Variants in ALG3 observed in about 807,000 individuals in gnomAD.
The protein encoded by ALG3 is dol-P-Man:Man(5)GlcNAc(2)-PP-Dol alpha-1,3-mannosyltransferase.
In ALG3, 39 loss-of-function variants were observed where a neutral mutation model predicts 50.5. The ratio of observed to expected loss-of-function variants is 0.77; its 90% CI spans 0.60 to 1.01. ALG3 has a LOEUF of 1.01. Among genes scored for constraint, ALG3 ranks in the 50% least tolerant of loss-of-function variants. The pLI, the probability that ALG3 is intolerant of heterozygous loss-of-function variation, is 0.00. For missense variants in ALG3, 520 were observed against 554.8 expected, an observed-to-expected ratio of 0.94 and a Z score of 0.63; for synonymous variants, 252 against 237.2, an observed-to-expected ratio of 1.06 and a Z score of -0.58.
At chr3:184,245,683 A>G in intron 2 of ALG3, 30 bp downstream of exon 2, 1 of 1,610,346 alleles carries the variant, frequency 6.2e-7, no homozygotes, top group Non-Finnish European at 8.5e-7. Context: ...AGCCCCTCAC[A>G]TCCTCCCTGA....
In ALG3 at chr3:184,245,629, G is replaced by C; in HGVS notation, c.297-14C>G. The C allele has an allele frequency of 6.2e-7, 1 of 1,612,154 alleles. No individual in the cohort carries two copies. Among genetic ancestry groups the C allele is most frequent in the South Asian group, 1.1e-5 (1 of 90,710 alleles). On this transcript the variant is annotated splice_polypyrimidine_tract_variant and intron_variant, in intron 2 of 8. Coordinates refer to ENST00000397676, the MANE Select transcript of ALG3 (RefSeq NM_005787.6). ...CCAGCTGGGTACCTGGAAGATGAGAGAAAATGTGAGCCTGGGTCAGGTCAC... is the reference window on the plus strand; with the variant it reads ...CCAGCTGGGTACCTGGAAGATGAGACAAAATGTGAGCCTGGGTCAGGTCAC...
chr3:184,249,426 G>A (rs931061071), upstream of ALG3: 5 of 961,134 alleles, frequency 5.2e-6, no homozygotes, highest in African/African-American at 6.6e-5. Flanking sequence ...AAATATGAGA[G>A]GACGCAGTGA....
intron 1 of ALG3, among the ~76,000 whole-genome samples, chr3:184,247,074 T>C (rs954240691): frequency 3.3e-5 from 5 of 151,978 alleles, no homozygotes; most frequent in Admixed American, 2.0e-4. Flanking sequence ...CCAGCTAATT[T>C]TTCTATTTTA....
chr3:184,242,838 C>T lies in ALG3; in HGVS notation c.1129G>A (p.Ala377Thr). 1.2e-6 allele frequency: 2 copies of T among 1,613,900 alleles called. No individual in the cohort carries two copies. Among genetic ancestry groups the T allele is most frequent in the Non-Finnish European group, 1.7e-6 (2 of 1,179,878 alleles). ...TLPYLLWAMP[A>T]RWLTHLLRLL... ...CTGAGCAGGTGTGTGAGCCAGCGTG[C>T]AGGCATGGCCCACAGGAGGTAGGGC... The change falls in exon 8 of 9, where the codon GCA (alanine) becomes ACA (threonine). Residue 377 changes from alanine (A) to threonine (T), a missense_variant. Ala to Thr is a moderately conservative substitution (Grantham distance 58). This residue lies in a region of ALG3 where 224 missense variants were observed against 272.8 expected (regional missense o/e 0.82). Transcript: ENST00000397676.
upstream of ALG3, chr3:184,248,994 G>C: frequency 6.5e-7 from 1 of 1,544,082 alleles, no homozygotes; most frequent in South Asian, 1.2e-5. Flanking sequence ...CCGAACCTTC[G>C]ACACTTAGGT....
At chr3:184,249,021 G>A, upstream of ALG3, 1 of 1,537,392 alleles carries the variant, frequency 6.5e-7, no homozygotes, top group Non-Finnish European at 8.8e-7. Flanking sequence ...TCCCGTGCCT[G>A]GCGTCCCACC....
At chr3:184,247,519 A>G (rs1577107155) in intron 1 of ALG3, among the ~76,000 whole-genome samples, 1 of 152,146 alleles carries the variant, frequency 6.6e-6, no homozygotes, top group Non-Finnish European at 1.5e-5. Context: ...GCTGGTCTCA[A>G]ATTCCTGACC....
intron 4 of ALG3, 74 bp from the exon 5 acceptor site, chr3:184,244,795 C>G: frequency 6.5e-7 from 1 of 1,530,282 alleles, no homozygotes. Context: ...AGACATACCC[C>G]CCACCATCAC....
In ALG3 at chr3:184,248,876, T is replaced by C. The variant is rs749694712; in HGVS notation, c.65A>G (p.Lys22Arg). ...GSAAQAEGLC[K>R]QWLQRAWQER... ...TTGCCAGGCGCGCTGCAGCCATTGC[T>C]TGCAGAGTCCCTCTGCCTGGGCCGC... Residue 22 changes from lysine to arginine, a missense_variant, in exon 1 of 9, where the codon AAG becomes AGG. This residue lies in a region of ALG3 where 290 missense variants were observed against 265.9 expected (regional missense o/e 1.09). Transcript: ENST00000397676. The C allele has an allele frequency of 2.5e-6, 4 of 1,606,866 alleles. No homozygotes were observed. The highest frequency in any genetic ancestry group is 4.5e-5 in the East Asian group (2 of 44,674).
chr3:184,248,512 G>A (rs567510330), intron 1 of ALG3, among the ~76,000 whole-genome samples: 15 of 152,222 alleles, frequency 9.9e-5, no homozygotes, highest in Non-Finnish European at 2.2e-4. Context: ...TTTGCAGGCT[G>A]TAAGTTCAGT....
At position 184,248,895 on chromosome 3, in the gene ALG3, G is replaced by A. The variant is rs758256479; in HGVS notation, c.46C>T (p.Gln16Ter). 8 of 1,601,946 alleles carry A rather than the reference G, an allele frequency of 5.0e-6. No homozygotes were observed. Among genetic ancestry groups the A allele is most frequent in the Middle Eastern group, 1.7e-4 (1 of 5,984 alleles). ...CATTGCTTGCAGAGTCCCTCTGCCT[G>A]GGCCGCGGAACCGGACCGGCCGCGT... Reference protein sequence around the residue: ...RKRGRSGSAAQAEGLCKQWLQ... With the variant: ...RKRGRSGSAA Residue 16 changes from glutamine to a stop codon, truncating the protein, a stop_gained, in exon 1 of 9, where the codon CAG (glutamine) becomes TAG (stop). Transcript: ENST00000397676. LOFTEE classifies it high-confidence loss of function.
At chr3:184,249,024 G>C (rs1327503326), upstream of ALG3, 2 of 1,534,880 alleles carry the variant, frequency 1.3e-6, no homozygotes, top group Admixed American at 3.9e-5. Flanking sequence ...CGTGCCTGGC[G>C]TCCCACCAGG....
chr3:184,249,009 C>A, upstream of ALG3: 1 of 1,539,580 alleles, frequency 6.5e-7, no homozygotes, highest in Non-Finnish European at 8.7e-7. Flanking sequence ...TTAGGTTCCG[C>A]TTCCCGTGCC....
At chr3:184,248,267 CA>C (rs1273910027) in intron 1 of ALG3, among the ~76,000 whole-genome samples, 1 of 152,140 alleles carries the variant, frequency 6.6e-6, no homozygotes, top group Admixed American at 6.6e-5. Flanking sequence ...GCAAGAAAGC[CA>C]AGTGCCTTAA....
chr3:184,243,490 C>T lies in ALG3; in HGVS notation c.1009+64G>A, dbSNP rs568444683. The T allele has an allele frequency of 1.8e-5, 27 of 1,531,138 alleles. No individual in the cohort carries two copies. In the Admixed American group the frequency reaches 3.3e-4, roughly 19 times the overall value. The allele number at this position is 1,531,138 out of a possible 1,614,324, so 94.8% of individuals were successfully genotyped here. On this transcript the variant is annotated intron_variant, in intron 7 of 8. Coordinates refer to ENST00000397676, the MANE Select transcript of ALG3 (RefSeq NM_005787.6). ...CAGGTCACCAGCTGTCAAGGGATAC[C>T]TGACCAGGACTCTGTCAGCACCTAG...
At chr3:184,244,343 A>G in intron 5 of ALG3, 1 of 547,012 alleles carries the variant, frequency 1.8e-6, no homozygotes, top group Non-Finnish European at 3.2e-6. Flanking sequence ...CAGGAGTTTG[A>G]GACCAGCCTG....
chr3:184,244,386 A>C, intron 5 of ALG3: 1 of 618,280 alleles, frequency 1.6e-6, no homozygotes, highest in South Asian at 2.6e-5. Context: ...TCAAAACTTA[A>C]AATTAAAAAA....
At chr3:184,247,397 A>G (rs1194850169) in intron 1 of ALG3, among the ~76,000 whole-genome samples, 2 of 150,944 alleles carry the variant, frequency 1.3e-5, no homozygotes, top group Non-Finnish European at 3.0e-5. Flanking sequence ...TCCCGGGTTC[A>G]AGCAATTCTC....
upstream of ALG3, chr3:184,249,075 T>TAA (rs1719376463): frequency 2.7e-6 from 4 of 1,481,414 alleles, no homozygotes; most frequent in South Asian, 4.8e-5. Flanking sequence ...TTTACTCCAC[T>TAA]AAAATGTAAT....
Sources: allele counts gnomAD v4.1 joint callset (sites outside exome capture counted in the v4.1 genomes callset), GRCh38; gene constraint gnomAD v4.1.1; regional missense constraint gnomAD v4.1.1; transcripts MANE v1.5; gene names NCBI Gene and HGNC (gene_info 2026-07-23, HGNC 2026-07-21).